AGBL1: variants seen among roughly 807,000 people sequenced by gnomAD.
AGBL1 encodes cytosolic carboxypeptidase 4.
A neutral mutation model predicts 118.9 loss-of-function variants in AGBL1; 130 were observed. That is an observed-to-expected ratio of 1.09 (90% confidence interval 0.95 to 1.26). The LOEUF (loss-of-function observed/expected upper bound fraction) is 1.26, where lower values mean the gene tolerates loss of function less well. Among genes scored for constraint, AGBL1 ranks in the 50% most tolerant of loss-of-function variants. The probability of loss-of-function intolerance (pLI) is 0.00; values close to 1 mark genes in which losing one functional copy is unlikely to be tolerated. For synonymous variants in AGBL1, 555 were observed against 478.9 expected (o/e 1.16, Z -2.08); for missense variants, 1,584 against 1,298.1 (o/e 1.22, Z -3.38).
intron 1 of AGBL1, among the ~76,000 whole-genome samples, chr15:86,109,179 C>T (rs1340577518): frequency 6.6e-6 from 1 of 152,084 alleles, no homozygotes; most frequent in Admixed American, 6.5e-5. Flanking sequence ...ATGTAAAATA[C>T]AGTACTACAA....
chr15:86,824,918 G>A (rs1222697047), intron 22 of AGBL1, among the ~76,000 whole-genome samples: 4 of 151,932 alleles, frequency 2.6e-5, no homozygotes, highest in Admixed American at 6.6e-5. Context: ...ATAGCTGGGC[G>A]TGGTGGTGCA....
At chr15:86,977,095 G>C (rs1215791519) in intron 23 of AGBL1, among the ~76,000 whole-genome samples, 3 of 151,880 alleles carry the variant, frequency 2.0e-5, no homozygotes, top group Non-Finnish European at 4.4e-5. Context: ...GTGTGTGTGT[G>C]TTTTACATCT....
In AGBL1 at chr15:86,587,792, C is replaced by A. The variant is rs578100400; in HGVS notation, c.2994+33255C>A. Among the ~76,000 whole-genome samples the A allele has an allele frequency of 8.8e-4, 134 of 152,286 alleles. 2 individuals carry two copies. The highest frequency in any genetic ancestry group is 3.1e-3 in the African/African-American group (127 of 41,562). ...GACAGGGAAGATGCTGCCATGAGAA[C>A]CCACGTAGTAATCACACAACAGCTG... is the stretch of plus-strand genomic sequence containing the variant. On this transcript the variant is annotated intron_variant, in intron 21 of 22. Transcript: ENST00000614907.
chr15:86,798,644 T>TCTTGGAAA (rs1241660631), intron 22 of AGBL1, among the ~76,000 whole-genome samples: 1 of 151,394 alleles, frequency 6.6e-6, no homozygotes, highest in South Asian at 2.1e-4. Flanking sequence ...TCAACTTTCC[T>TCTTGGAAA]CTTGGAAACT....
At chr15:86,992,237 C>A (rs752374671) in intron 24 of AGBL1, among the ~76,000 whole-genome samples, 1 of 152,038 alleles carries the variant, frequency 6.6e-6, no homozygotes, top group African/African-American at 2.4e-5. Flanking sequence ...CTCATTACTG[C>A]CAGGAGGACA....
rs574994721 is a variant in AGBL1 at position 86,986,120 on chromosome 15, C to T, written c.3222-1867C>T. On this transcript the variant is annotated intron_variant, in intron 23 of 24. Coordinates refer to the AGBL1 transcript ENST00000441037. ...TGTATTTTTAGTAGAGACGGGGTTT[C>T]GCCACGTTGGCCAGGCTGGTCTCAA... Among the ~76,000 whole-genome samples, 163 of 152,200 alleles carry T rather than the reference C, an allele frequency of 1.1e-3. 3 individuals are homozygous for T. The highest frequency in any genetic ancestry group is 8.9e-3 in the Admixed American group (136 of 15,278).
At chr15:87,014,398 T>G (rs1371539961) in intron 24 of AGBL1, among the ~76,000 whole-genome samples, 1 of 152,208 alleles carries the variant, frequency 6.6e-6, no homozygotes, top group African/African-American at 2.4e-5. Flanking sequence ...GGACTTTATC[T>G]GCTATATCTG....
At chr15:86,357,308 T>C (rs1303628180) in intron 17 of AGBL1, among the ~76,000 whole-genome samples, 1 of 152,208 alleles carries the variant, frequency 6.6e-6, no homozygotes, top group Admixed American at 6.5e-5. Context: ...TGTGTGATAA[T>C]GAATTCTATG....
intron 21 of AGBL1, among the ~76,000 whole-genome samples, chr15:86,584,126 C>T (rs1277816909): frequency 6.6e-6 from 1 of 151,986 alleles, no homozygotes; most frequent in East Asian, 1.9e-4. Context: ...TTTTGCCATT[C>T]CCTAGGTTGT....
intron 18 of AGBL1, among the ~76,000 whole-genome samples, chr15:86,474,142 G>A (rs2082519365): frequency 6.6e-6 from 1 of 152,204 alleles, no homozygotes; most frequent in Non-Finnish European, 1.5e-5. Flanking sequence ...ACAGCTCCCA[G>A]TGTGAGTGAC....
intron 23 of AGBL1, among the ~76,000 whole-genome samples, chr15:86,958,038 T>C (rs2080949584): frequency 6.7e-6 from 1 of 149,024 alleles, no homozygotes; most frequent in African/African-American, 2.4e-5. Flanking sequence ...CCTTGTAACT[T>C]AAAAATAAAA....
chr15:87,003,710 G>T (rs1596729520), intron 24 of AGBL1, among the ~76,000 whole-genome samples: 1 of 152,242 alleles, frequency 6.6e-6, no homozygotes, highest in East Asian at 1.9e-4. Context: ...TCTTGGGAGG[G>T]TGTATGTGTC....
intron 22 of AGBL1, among the ~76,000 whole-genome samples, chr15:86,872,094 A>T (rs2081937412): frequency 6.6e-6 from 1 of 152,184 alleles, no homozygotes; most frequent in Non-Finnish European, 1.5e-5. Context: ...TAGAACTCAA[A>T]CACAGAGCAG....
At chr15:86,705,593 A>G (rs571357087) in intron 22 of AGBL1, among the ~76,000 whole-genome samples, 2 of 152,286 alleles carry the variant, frequency 1.3e-5, no homozygotes, top group South Asian at 2.1e-4. Flanking sequence ...TCATTCCTCA[A>G]TTGAGACTGC....
At chr15:86,489,431 G>A (rs1301328938) in intron 18 of AGBL1, among the ~76,000 whole-genome samples, 1 of 152,112 alleles carries the variant, frequency 6.6e-6, no homozygotes, top group Non-Finnish European at 1.5e-5. Flanking sequence ...CTATTGGTAA[G>A]TTGTCATTTT....
At chr15:86,215,857 T>A (rs976698560) in intron 5 of AGBL1, among the ~76,000 whole-genome samples, 1 of 152,194 alleles carries the variant, frequency 6.6e-6, no homozygotes, top group Non-Finnish European at 1.5e-5. Context: ...ATGTGTCATT[T>A]TGGGGACTAC....
At chr15:86,438,634 C>T (rs982567218) in intron 18 of AGBL1, among the ~76,000 whole-genome samples, 1 of 149,716 alleles carries the variant, frequency 6.7e-6, no homozygotes, top group Non-Finnish European at 1.5e-5. Flanking sequence ...TATCTAAATT[C>T]GTATATAACT....
At chr15:86,901,109 T>G (rs549419625) in intron 22 of AGBL1, among the ~76,000 whole-genome samples, 201 of 152,306 alleles carry the variant, frequency 1.3e-3, no homozygotes, top group African/African-American at 4.8e-3. Context: ...TAAGAATTCT[T>G]TAAATAGTCC....
chr15:86,360,319 C>CTTTTTTTTTTTTTTT (rs570573457), intron 17 of AGBL1, among the ~76,000 whole-genome samples: 1 of 136,026 alleles, frequency 7.4e-6, no homozygotes, highest in African/African-American at 2.7e-5. Flanking sequence ...GGGTTTTTTC[C>CTTTTTTTTTTTTTTT]TTTTTTTTTT....
Sources: gnomAD v4.1 joint callset for allele counts (sites outside exome capture counted in the v4.1 genomes callset) on GRCh38, gnomAD v4.1.1 for gene constraint, MANE v1.5 for transcripts, NCBI Gene and HGNC (gene_info 2026-07-23, HGNC 2026-07-21) for gene names.